The following TMED3 variants were observed in gnomAD, a reference collection of about 807,000 sequenced individuals.
TMED3 encodes the protein transmembrane p24 trafficking protein 3, also known as transmembrane emp24 domain-containing protein 3.
TMED3 carries 9 observed loss-of-function variants against 15.0 expected under a neutral mutation model. The observed-to-expected ratio is 0.60, with a 90% confidence interval of 0.36 to 1.04. TMED3 has a LOEUF of 1.04. TMED3 is among the 50% of genes least tolerant of loss of function. TMED3 has a pLI of 0.01. For missense variants in TMED3, 267 were observed against 278.9 expected (o/e 0.96, Z 0.30); for synonymous variants, 117 against 121.4 (o/e 0.96, Z 0.24).
rs199728545 is a variant in TMED3, at chr15:79,376,092, G to GTTTTTTTT, written c.418-35280_418-35273dup. The stretch of plus-strand genomic sequence containing the variant: ...CTTACTTCATCTATTCTAGAGAAAG[G>GTTTTTTTT]TTTTTTTTTTTTTTTTTTTTTTTTT... On this transcript the variant is annotated intron_variant, in intron 2 of 2. Transcript: ENST00000424155. 4.8e-4 allele frequency among the ~76,000 whole-genome samples: 54 copies of GTTTTTTTT among 112,070 alleles called. 5 individuals are homozygous for GTTTTTTTT. The highest frequency in any genetic ancestry group is 1.2e-3 in the African/African-American group (33 of 27,480). The allele number at this position is 112,070 out of a possible 152,430, so 73.5% of individuals were successfully genotyped here.
chr15:79,350,318 G>A (rs1402647859), intron 2 of TMED3, among the ~76,000 whole-genome samples: 1 of 152,134 alleles, frequency 6.6e-6, no homozygotes, highest in Non-Finnish European at 1.5e-5. Flanking sequence ...TAATCACAAG[G>A]TGAAGTCTCA....
intron 2 of TMED3, among the ~76,000 whole-genome samples, chr15:79,341,061 C>T (rs1190679992): frequency 1.3e-5 from 2 of 151,966 alleles, no homozygotes; most frequent in African/African-American, 2.4e-5. Context: ...GGGTGTGGTG[C>T]TGTGTACCTG....
At chr15:79,405,532 C>T (rs1006670574) in intron 2 of TMED3, among the ~76,000 whole-genome samples, 1 of 152,212 alleles carries the variant, frequency 6.6e-6, no homozygotes, top group African/African-American at 2.4e-5. Context: ...AAGAACCCTA[C>T]CAAACCTTAG....
chr15:79,399,983 T>G (rs892515233), intron 2 of TMED3, among the ~76,000 whole-genome samples: 4 of 152,212 alleles, frequency 2.6e-5, no homozygotes, highest in African/African-American at 9.7e-5. Context: ...GTCAGGAAAT[T>G]GCTGTCCACA....
At chr15:79,333,043 CT>C (rs762741853) in intron 2 of TMED3, among the ~76,000 whole-genome samples, 1 of 152,210 alleles carries the variant, frequency 6.6e-6, no homozygotes. Context: ...ATAAATCCTT[CT>C]CTTGCACTCC....
chr15:79,394,089 A>G (rs1234090879), intron 2 of TMED3, among the ~76,000 whole-genome samples: 2 of 152,138 alleles, frequency 1.3e-5, no homozygotes, highest in East Asian at 1.9e-4. Context: ...CAAAATGTAT[A>G]TGACTGTGCT....
At chr15:79,311,487 C>G in intron 1 of TMED3, 70 bp downstream of exon 1, 1 of 1,507,062 alleles carries the variant, frequency 6.6e-7, no homozygotes, top group South Asian at 1.3e-5. Flanking sequence ...ACTGGCTAGC[C>G]CCTGACTGGA....
At chr15:79,338,205 T>C (rs1387585837) in intron 2 of TMED3, among the ~76,000 whole-genome samples, 6 of 152,144 alleles carry the variant, frequency 3.9e-5, no homozygotes, top group African/African-American at 1.4e-4. Flanking sequence ...AAGATAGAAA[T>C]TGGGATGGGG....
At chr15:79,337,546 G>A (rs2058831566) in intron 2 of TMED3, among the ~76,000 whole-genome samples, 1 of 152,282 alleles carries the variant, frequency 6.6e-6, no homozygotes, top group East Asian at 1.9e-4. Flanking sequence ...AACCTATGCT[G>A]CTTTTAAAAA....
chr15:79,366,451 G>A (rs1447121708), intron 2 of TMED3, among the ~76,000 whole-genome samples: 3 of 152,180 alleles, frequency 2.0e-5, no homozygotes, highest in African/African-American at 4.8e-5. Context: ...GCAACATTTA[G>A]TTTCTATAGA....
intron 2 of TMED3, among the ~76,000 whole-genome samples, chr15:79,343,539 A>C (rs569625322): frequency 1.6e-4 from 24 of 152,288 alleles, no homozygotes; most frequent in East Asian, 1.2e-3. Context: ...TCTGATTTTC[A>C]CTATTACAAA....
chr15:79,314,097 C>G (rs1305800095), intron 2 of TMED3, 92 bp downstream of exon 2: 1 of 1,506,828 alleles, frequency 6.6e-7, no homozygotes, highest in Admixed American at 2.0e-5. Flanking sequence ...GAGTCATCAT[C>G]CATCCAGCTC....
At chr15:79,327,284 C>T (rs897637246), downstream of TMED3, among the ~76,000 whole-genome samples, 1 of 152,196 alleles carries the variant, frequency 6.6e-6, no homozygotes, top group African/African-American at 2.4e-5. Context: ...GAAATGGGAT[C>T]TCACCAAACA....
chr15:79,366,178 G>A (rs1329067588), intron 2 of TMED3, among the ~76,000 whole-genome samples: 1 of 152,182 alleles, frequency 6.6e-6, no homozygotes, highest in Non-Finnish European at 1.5e-5. Context: ...CACCTAGGTT[G>A]ATGGAAGAAT....
At chr15:79,381,296 C>A (rs1002966728) in intron 2 of TMED3, among the ~76,000 whole-genome samples, 5 of 152,086 alleles carry the variant, frequency 3.3e-5, no homozygotes, top group African/African-American at 7.2e-5. Context: ...AACAAATGAA[C>A]CTGAGCCAAG....
intron 2 of TMED3, chr15:79,382,936 A>G: frequency 1.3e-6 from 2 of 1,533,488 alleles, no homozygotes; most frequent in Non-Finnish European, 1.7e-6. Context: ...GTCAATTACA[A>G]GGGCATAAAC....
At chr15:79,329,212 A>G (rs1197747810) in intron 2 of TMED3, among the ~76,000 whole-genome samples, 2 of 152,216 alleles carry the variant, frequency 1.3e-5, no homozygotes, top group Non-Finnish European at 2.9e-5. Flanking sequence ...TAAAGAGACA[A>G]CAACCAGGGC....
exon 3 of TMED3, chr15:79,411,686 T>C (rs955050869): frequency 9.1e-6 from 5 of 550,874 alleles, no homozygotes; most frequent in Non-Finnish European, 1.6e-5. Context: ...CACAGGCCTC[T>C]GGAATCCCGG....
At chr15:79,402,800 A>G (rs1188323852) in intron 2 of TMED3, among the ~76,000 whole-genome samples, 1 of 151,878 alleles carries the variant, frequency 6.6e-6, no homozygotes, top group Non-Finnish European at 1.5e-5. Context: ...AAAAATAAAA[A>G]TAAAAAAATA....
Sources: allele counts gnomAD v4.1 joint callset (sites outside exome capture counted in the v4.1 genomes callset), GRCh38; gene constraint gnomAD v4.1.1; transcripts MANE v1.5; gene names NCBI Gene and HGNC (gene_info 2026-07-23, HGNC 2026-07-21).